Variants in CSMD1 observed in about 807,000 individuals in gnomAD.
CSMD1 encodes the protein CUB and Sushi multiple domains 1.
CSMD1 carries 213 observed loss-of-function variants against 417.5 expected under a neutral mutation model. The observed-to-expected ratio is 0.51, with a 90% CI of 0.46 to 0.57. The LOEUF (loss-of-function observed/expected upper bound fraction) is 0.57. Ranked by LOEUF, CSMD1 falls within the 20% of genes least tolerant of loss-of-function variation. CSMD1 has a pLI of 0.00. For synonymous variants in CSMD1, 2,862 were observed against 1,736.8 expected (o/e 1.65, Z -16.11); for missense variants, 6,923 against 4,529.7 (o/e 1.53, Z -15.17).
At chr8:4,464,211 T>C (rs933477927) in intron 2 of CSMD1, among the ~76,000 whole-genome samples, 15 of 152,150 alleles carry the variant, frequency 9.9e-5, no homozygotes, top group Non-Finnish European at 2.2e-4. Flanking sequence ...AAGACCCAGT[T>C]TGGATTTCAC....
At chr8:4,435,923 G>C (rs1053261505) in intron 2 of CSMD1, among the ~76,000 whole-genome samples, 8 of 152,068 alleles carry the variant, frequency 5.3e-5, no homozygotes, top group African/African-American at 1.9e-4. Context: ...AAAATAATTA[G>C]AATTTTAACC....
chr8:4,536,699 A>G (rs761139215), intron 2 of CSMD1, among the ~76,000 whole-genome samples: 11 of 152,210 alleles, frequency 7.2e-5, no homozygotes, highest in Non-Finnish European at 1.6e-4. Flanking sequence ...CTAATGCCAG[A>G]ATAAAAAGTT....
At chr8:3,673,962 A>G (rs1799228672) in intron 7 of CSMD1, among the ~76,000 whole-genome samples, 1 of 152,040 alleles carries the variant, frequency 6.6e-6, no homozygotes, top group South Asian at 2.1e-4. Flanking sequence ...TAATCCAAAT[A>G]CAAAAATTAG....
At chr8:4,381,976 G>A (rs925447310) in intron 3 of CSMD1, among the ~76,000 whole-genome samples, 1 of 151,966 alleles carries the variant, frequency 6.6e-6, no homozygotes, top group Admixed American at 6.6e-5. Context: ...CACTCTCTGT[G>A]GTAAAATGAC....
chr8:3,454,318 G>C (rs918869213), intron 12 of CSMD1, among the ~76,000 whole-genome samples: 2 of 152,110 alleles, frequency 1.3e-5, no homozygotes, highest in African/African-American at 2.4e-5. Flanking sequence ...TTACATTTAA[G>C]GTTAATATTG....
intron 12 of CSMD1, among the ~76,000 whole-genome samples, chr8:3,418,856 G>C (rs1382248409): frequency 6.6e-6 from 1 of 152,130 alleles, no homozygotes; most frequent in Admixed American, 6.5e-5. Flanking sequence ...TAATATTATA[G>C]ATTTCTTTTA....
intron 10 of CSMD1, among the ~76,000 whole-genome samples, chr8:3,523,736 G>GTGCAT (rs1797616994): frequency 6.9e-6 from 1 of 144,522 alleles, no homozygotes. Context: ...CACACTCAGA[G>GTGCAT]ACACATGCAT....
intron 5 of CSMD1, among the ~76,000 whole-genome samples, chr8:3,967,561 A>C (rs1203734736): frequency 6.6e-6 from 1 of 152,176 alleles, no homozygotes. Flanking sequence ...GAGTTCAGCA[A>C]ATATCACCAG....
At chr8:4,613,873 A>AAAG (rs1554524900) in intron 2 of CSMD1, among the ~76,000 whole-genome samples, 4 of 151,710 alleles carry the variant, frequency 2.6e-5, no homozygotes, top group African/African-American at 7.3e-5. Context: ...AAAAAAAAAA[A>AAAG]AAAGAAAACG....
intron 12 of CSMD1, among the ~76,000 whole-genome samples, chr8:3,437,439 T>C (rs750113389): frequency 4.7e-4 from 71 of 152,308 alleles, no homozygotes; most frequent in Non-Finnish European, 7.2e-4. Flanking sequence ...ATGGGCTGTG[T>C]AATTTGTAAA....
At chr8:3,454,729 T>C (rs570394012) in intron 12 of CSMD1, among the ~76,000 whole-genome samples, 1 of 152,322 alleles carries the variant, frequency 6.6e-6, no homozygotes, top group South Asian at 2.1e-4. Context: ...GACCTTTCTC[T>C]CTGCCTGCCC....
intron 2 of CSMD1, among the ~76,000 whole-genome samples, chr8:4,469,177 T>G (rs1800370702): frequency 6.6e-6 from 1 of 152,118 alleles, no homozygotes; most frequent in Non-Finnish European, 1.5e-5. Context: ...CAAATACACA[T>G]CAGTGGCAGG....
At chr8:3,847,656 C>G (rs1371896595) in intron 5 of CSMD1, among the ~76,000 whole-genome samples, 1 of 152,104 alleles carries the variant, frequency 6.6e-6, no homozygotes, top group Non-Finnish European at 1.5e-5. Context: ...CTGCCTTCAG[C>G]TGCTGCATTT....
At chr8:4,616,959 G>A (rs1801504504) in intron 2 of CSMD1, among the ~76,000 whole-genome samples, 1 of 97,638 alleles carries the variant, frequency 1.0e-5, no homozygotes, top group Non-Finnish European at 2.1e-5. Flanking sequence ...TTTATTCCAA[G>A]CAGATTTCTT....
intron 5 of CSMD1, among the ~76,000 whole-genome samples, chr8:3,856,588 T>C (rs1804329511): frequency 6.6e-6 from 1 of 152,206 alleles, no homozygotes; most frequent in Non-Finnish European, 1.5e-5. Context: ...GACTGTATTC[T>C]AATTTGCCAT....
intron 5 of CSMD1, among the ~76,000 whole-genome samples, chr8:3,878,769 C>G (rs2129118822): frequency 6.6e-6 from 1 of 152,210 alleles, no homozygotes; most frequent in Admixed American, 6.5e-5. Context: ...AGTTATGCTT[C>G]CTGAGTTTGT....
intron 7 of CSMD1, among the ~76,000 whole-genome samples, chr8:3,678,055 G>C (rs1282308516): frequency 6.6e-6 from 1 of 152,128 alleles, no homozygotes; most frequent in Non-Finnish European, 1.5e-5. Flanking sequence ...TGGGAGGGTG[G>C]TTCAAAGATG....
At chr8:3,660,359 T>C (rs7831466) in intron 7 of CSMD1, among the ~76,000 whole-genome samples, 2,774 of 152,260 alleles carry the variant, frequency 0.018, 47 homozygotes, top group Non-Finnish European at 0.029. Flanking sequence ...ATTAGCGATC[T>C]TCCCAGGGAC....
chr8:4,157,465 C>G (rs1451705729), intron 3 of CSMD1, among the ~76,000 whole-genome samples: 2 of 151,768 alleles, frequency 1.3e-5, no homozygotes, highest in African/African-American at 4.8e-5. Flanking sequence ...CCCTCCTTCA[C>G]TTCCTTCCTT....
Sources: allele counts gnomAD v4.1 joint callset (sites outside exome capture counted in the v4.1 genomes callset), GRCh38; gene constraint gnomAD v4.1.1; transcripts MANE v1.5; gene names NCBI Gene and HGNC (gene_info 2026-07-23, HGNC 2026-07-21).